Variants in PRCP observed in about 807,000 individuals in gnomAD.
The protein encoded by PRCP is prolylcarboxypeptidase.
PRCP carries 46 observed loss-of-function variants against 54.2 expected under a neutral mutation model. That is an observed-to-expected ratio of 0.85 (90% CI 0.67 to 1.09). The LOEUF is 1.09. PRCP is among the 50% of genes least tolerant of loss of function. PRCP has a pLI of 0.00. For missense variants in PRCP, 613 were observed against 596.8 expected (o/e 1.03, Z -0.28); for synonymous variants, 240 against 212.2 (o/e 1.13, Z -1.14).
At chr11:82,868,210 T>C (rs1859387540) in intron 1 of PRCP, among the ~76,000 whole-genome samples, 1 of 152,172 alleles carries the variant, frequency 6.6e-6, no homozygotes, top group African/African-American at 2.4e-5. Context: ...CAAAAGCAGA[T>C]TGATAAACAT....
At chr11:82,879,258 C>A (rs1291169183) in intron 1 of PRCP, among the ~76,000 whole-genome samples, 1 of 152,158 alleles carries the variant, frequency 6.6e-6, no homozygotes, top group Non-Finnish European at 1.5e-5. Context: ...CTCTAAACTT[C>A]TCACTTCATT....
chr11:82,850,109 G>C, intron 4 of PRCP, 38 bp from the exon 5 acceptor site: 2 of 964,774 alleles, frequency 2.1e-6, no homozygotes, highest in Non-Finnish European at 2.7e-6. Context: ...AAAAAGAAAA[G>C]AAAAAATATA....
chr11:82,845,291 AG>A (rs1279335625), intron 6 of PRCP, among the ~76,000 whole-genome samples: 1 of 152,216 alleles, frequency 6.6e-6, no homozygotes, highest in African/African-American at 2.4e-5. Context: ...TTTGTTTAAA[AG>A]TTTTAAGTGT....
At chr11:82,856,195 C>T (rs1565225410) in intron 2 of PRCP, among the ~76,000 whole-genome samples, 1 of 152,070 alleles carries the variant, frequency 6.6e-6, no homozygotes, top group Non-Finnish European at 1.5e-5. Flanking sequence ...ATAAACCATT[C>T]TACCAAAAAG....
At chr11:82,827,250 C>A (rs988934671) in intron 8 of PRCP, 1 of 152,172 alleles carries the variant, frequency 6.6e-6, no homozygotes. Flanking sequence ...ATTTGCAGCA[C>A]AAGTTTTTCA....
intron 1 of PRCP, among the ~76,000 whole-genome samples, chr11:82,883,739 C>A (rs1459623072): frequency 6.6e-6 from 1 of 152,182 alleles, no homozygotes; most frequent in Non-Finnish European, 1.5e-5. Flanking sequence ...CTGCTGCAGG[C>A]CTCTCAGATG....
At chr11:82,882,407 A>G (rs531811220) in intron 1 of PRCP, among the ~76,000 whole-genome samples, 28 of 152,092 alleles carry the variant, frequency 1.8e-4, no homozygotes, top group Non-Finnish European at 3.5e-4. Flanking sequence ...TGAGATATCC[A>G]TATTAGGGAC....
intron 5 of PRCP, 48 bp from the exon 6 acceptor site, chr11:82,849,266 G>A (rs771504562): frequency 6.3e-7 from 1 of 1,587,916 alleles, no homozygotes; most frequent in South Asian, 1.1e-5. Context: ...CTGGTCAACA[G>A]ATGTCTTTAC....
At chr11:82,856,764 A>G (rs1307057036) in intron 2 of PRCP, among the ~76,000 whole-genome samples, 2 of 152,158 alleles carry the variant, frequency 1.3e-5, no homozygotes, top group Non-Finnish European at 2.9e-5. Context: ...TTAAAAAAAA[A>G]TGGGCCAGGC....
chr11:82,900,226 C>A lies in PRCP; in HGVS notation c.168+9G>T. 2 of 1,613,874 alleles carry A rather than the reference C, an allele frequency of 1.2e-6. No homozygotes were observed. Among genetic ancestry groups the A allele is most frequent in the South Asian group, 2.2e-5 (2 of 91,066 alleles). On this transcript the variant is annotated intron_variant, in intron 1 of 8. Coordinates refer to ENST00000313010, the MANE Select transcript of PRCP (RefSeq NM_005040.4). ...GGCCTGGGACGGCGAAGCCCCCGCT[C>A]CCCCTTACCTTCTGTTGGAAGTAGA... is the stretch of plus-strand genomic sequence containing the variant.
chr11:82,880,001 G>A (rs904898174), intron 1 of PRCP, among the ~76,000 whole-genome samples: 1 of 152,222 alleles, frequency 6.6e-6, no homozygotes, highest in Admixed American at 6.5e-5. Context: ...ACTTAAGGAG[G>A]CAGTCTGTCC....
At chr11:82,856,514 A>G (rs1859084548) in intron 2 of PRCP, among the ~76,000 whole-genome samples, 1 of 152,170 alleles carries the variant, frequency 6.6e-6, no homozygotes, top group Non-Finnish European at 1.5e-5. Context: ...CTGCATGACT[A>G]CTAGAGGGGC....
chr11:82,845,390 TG>T (rs369514733), intron 6 of PRCP, among the ~76,000 whole-genome samples: 1 of 151,814 alleles, frequency 6.6e-6, no homozygotes, highest in African/African-American at 2.4e-5. Flanking sequence ...GAAGATATGT[TG>T]GGGGAAAAAA....
Position 82,846,348 on chromosome 11 carries a change from GA to G in PRCP, c.921+2700del, listed in dbSNP as rs1858809640. On this transcript the variant is annotated intron_variant, in intron 6 of 8. Coordinates refer to ENST00000313010, the MANE Select transcript of PRCP (RefSeq NM_005040.4). The stretch of plus-strand genomic sequence containing the variant: ...AAGTGATCTGAAGCTACAAGTTTGG[GA>G]GGGAGACGTAGTGGAAAAATTCTGA... Among the ~76,000 whole-genome samples, 3 of 152,128 alleles carry G rather than the reference GA, an allele frequency of 2.0e-5. No homozygotes were observed. In the South Asian group the frequency reaches 6.2e-4, roughly 32 times the overall value.
chr11:82,848,982 G>A (rs1249744434), intron 6 of PRCP, 67 bp downstream of exon 6: 1 of 1,469,090 alleles, frequency 6.8e-7, no homozygotes. Context: ...GAGGCAGAAA[G>A]TCAGAGTATG....
chr11:82,853,485 T>A (rs1859008955), intron 2 of PRCP, among the ~76,000 whole-genome samples: 1 of 152,218 alleles, frequency 6.6e-6, no homozygotes, highest in Non-Finnish European at 1.5e-5. Flanking sequence ...AGTGAAACAA[T>A]TAAAAATAAT....
intron 1 of PRCP, among the ~76,000 whole-genome samples, chr11:82,881,921 C>T (rs946170973): frequency 3.3e-5 from 5 of 152,098 alleles, no homozygotes; most frequent in African/African-American, 1.2e-4. Context: ...ATACTATTGA[C>T]CAGAAGCCTT....
At chr11:82,899,352 T>G (rs141233238) in intron 1 of PRCP, among the ~76,000 whole-genome samples, 109 of 152,328 alleles carry the variant, frequency 7.2e-4, no homozygotes, top group African/African-American at 2.5e-3. Flanking sequence ...AGAAGTACTG[T>G]AACCTGCCCA....
intron 1 of PRCP, among the ~76,000 whole-genome samples, chr11:82,897,355 TG>T: frequency 6.6e-6 from 1 of 152,376 alleles, no homozygotes; most frequent in East Asian, 1.9e-4. Context: ...AGGTTCTTTT[TG>T]AATAATCATG....
Sources: allele counts gnomAD v4.1 joint callset (sites outside exome capture counted in the v4.1 genomes callset), GRCh38; gene constraint gnomAD v4.1.1; transcripts MANE v1.5; gene names NCBI Gene and HGNC (gene_info 2026-07-23, HGNC 2026-07-21).